The following ZMYND8 variants were observed in gnomAD, a reference collection of about 807,000 sequenced individuals.
ZMYND8 encodes MYND-type zinc finger-containing chromatin reader ZMYND8.
Under a neutral mutation model 140.8 loss-of-function variants are expected in ZMYND8, and 37 were observed. That is an observed-to-expected ratio of 0.26 (90% CI 0.20 to 0.35). The LOEUF is 0.35. Ranked by LOEUF, ZMYND8 falls within the 10% of genes least tolerant of loss-of-function variation. ZMYND8 has a pLI of 1.00. For missense variants in ZMYND8, 1,068 were observed against 1,570.0 expected (o/e 0.68, Z 5.40); for synonymous variants, 592 against 597.1 (o/e 0.99, Z 0.12).
In ZMYND8 at chr20:47,276,808, A is replaced by G; in HGVS notation, c.999-13T>C. On this transcript the variant is annotated splice_polypyrimidine_tract_variant and intron_variant, in intron 10 of 22. Coordinates refer to ENST00000471951, the MANE Select transcript of ZMYND8 (RefSeq NM_001281775.3). ...TGGAACCCAGGCCCTAGAAGGGCAA[A>G]AGATAAAGAGAGTTTAAGTCAACTT... 1.3e-6 allele frequency: 2 copies of G among 1,584,796 alleles called. No homozygotes were observed. The highest frequency in any genetic ancestry group is 1.1e-5 in the South Asian group (1 of 87,544).
chr20:47,275,101 T>C (rs2076179000), intron 11 of ZMYND8, among the ~76,000 whole-genome samples: 2 of 152,196 alleles, frequency 1.3e-5, no homozygotes, highest in Admixed American at 1.3e-4. Context: ...GCTTTATTCA[T>C]TCTAGAAAAT....
intron 17 of ZMYND8, among the ~76,000 whole-genome samples, chr20:47,228,616 T>A (rs1421238595): frequency 6.6e-6 from 1 of 152,260 alleles, no homozygotes; most frequent in Non-Finnish European, 1.5e-5. Flanking sequence ...TGCAAAACTA[T>A]TCAAGGGGAT....
At chr20:47,242,266 G>C (rs547137861) in intron 14 of ZMYND8, among the ~76,000 whole-genome samples, 2 of 152,296 alleles carry the variant, frequency 1.3e-5, no homozygotes, top group East Asian at 3.9e-4. Flanking sequence ...GGGCGTTCTC[G>C]ATGGTTATCG....
rs1601675803 is a variant in ZMYND8 at position 47,294,728 on chromosome 20, G to A, written c.505C>T (p.Leu169Phe). 1.2e-6 allele frequency: 2 copies of A among 1,614,200 alleles called. No individual in the cohort carries two copies. Among genetic ancestry groups the A allele is most frequent in the Non-Finnish European group, 8.5e-7 (1 of 1,180,036 alleles). Reference protein sequence around the residue: ...IETQSKAMTMLTIEQLSYLLK... With the variant: ...IETQSKAMTMFTIEQLSYLLK... ...AGGTAGGATAACTGTTCAATGGTGAGCATTGTCATGGCTTTACTCTGGGTC... is the reference window on the plus strand; with the variant it reads ...AGGTAGGATAACTGTTCAATGGTGAACATTGTCATGGCTTTACTCTGGGTC... Residue 169 changes from leucine to phenylalanine, a missense_variant, in exon 5 of 23, where the codon CTC becomes TTC. By Grantham distance (22) the Leu-to-Phe change is conservative. Coordinates refer to ENST00000471951, the MANE Select transcript of ZMYND8 (RefSeq NM_001281775.3).
rs1270213163 is a variant in ZMYND8, at chr20:47,276,474, T to C, written c.1320A>G (p.Thr440=). Residue 440 remains threonine, a synonymous_variant, in exon 11 of 23, where the codon ACA becomes ACG. Transcript: ENST00000471951. ...TATCCGACAAGGAAATCCGGCGGCC[T>C]GTGCCCCCACTCAGCACAGGCTTGC... ...LMSKPVLSGG[T]GRRISLSDMP... The C allele has an allele frequency of 3.1e-6, 5 of 1,613,938 alleles. No homozygotes were observed. The highest frequency in any genetic ancestry group is 4.5e-5 in the East Asian group (2 of 44,852).
intron 8 of ZMYND8, among the ~76,000 whole-genome samples, chr20:47,285,351 G>A (rs1178222944): frequency 2.0e-5 from 3 of 152,200 alleles, no homozygotes; most frequent in African/African-American, 7.2e-5. Flanking sequence ...GTAAGTAAGC[G>A]AATGAATGTG....
chr20:47,239,283 G>C (rs1254667357), intron 14 of ZMYND8, 145 bp from the exon 15 acceptor site: 3 of 1,120,330 alleles, frequency 2.7e-6, no homozygotes, highest in Admixed American at 3.2e-5. Context: ...CACCGCGCTG[G>C]AGGAGTACAT....
chr20:47,240,901 G>C (rs1434687560), intron 14 of ZMYND8, among the ~76,000 whole-genome samples: 2 of 152,064 alleles, frequency 1.3e-5, no homozygotes, highest in Admixed American at 6.6e-5. Flanking sequence ...ATATCACCCC[G>C]GCTGGGCTCA....
intron 2 of ZMYND8, among the ~76,000 whole-genome samples, chr20:47,322,501 C>T (rs1159712142): frequency 6.9e-6 from 1 of 144,680 alleles, no homozygotes; most frequent in East Asian, 2.0e-4. Context: ...AGTGCAGTGG[C>T]GCGATCTTGG....
At chr20:47,299,101 T>C (rs2077830089) in intron 3 of ZMYND8, among the ~76,000 whole-genome samples, 154 bp from the exon 4 acceptor site, 1 of 152,242 alleles carries the variant, frequency 6.6e-6, no homozygotes, top group Non-Finnish European at 1.5e-5. Flanking sequence ...CTACTAAATA[T>C]ATAATTAGCA....
intron 3 of ZMYND8, among the ~76,000 whole-genome samples, chr20:47,308,015 G>A (rs1020686999): frequency 6.6e-6 from 1 of 151,390 alleles, no homozygotes; most frequent in African/African-American, 2.4e-5. Flanking sequence ...CTACTCGGGA[G>A]GCTGAGGCAG....
chr20:47,212,084 T>C (rs1040578), intron 22 of ZMYND8, among the ~76,000 whole-genome samples: 5,368 of 152,334 alleles, frequency 0.035, 303 homozygotes, highest in African/African-American at 0.12. Flanking sequence ...TTAGCCGCCA[T>C]GCCTATGCTT....
At chr20:47,234,948 T>A (rs1293364005) in intron 16 of ZMYND8, among the ~76,000 whole-genome samples, 1 of 152,138 alleles carries the variant, frequency 6.6e-6, no homozygotes, top group Non-Finnish European at 1.5e-5. Flanking sequence ...GAGACCAGCC[T>A]GGGCAACAAA....
intron 7 of ZMYND8, 109 bp downstream of exon 7, chr20:47,290,078 A>T: frequency 9.6e-7 from 1 of 1,040,470 alleles, no homozygotes; most frequent in Non-Finnish European, 1.4e-6. Context: ...CACAATCTAT[A>T]CGCAAGTATT....
rs990530666 is a variant in ZMYND8, at chr20:47,282,083, G to A, written c.998+19C>T. 7 of 1,600,294 alleles carry A rather than the reference G, an allele frequency of 4.4e-6. No homozygotes were observed. In the South Asian group the frequency reaches 6.7e-5, roughly 15 times the overall value. On this transcript the variant is annotated intron_variant, in intron 10 of 22. Coordinates refer to ENST00000471951, the MANE Select transcript of ZMYND8 (RefSeq NM_001281775.3). ...GTTCAGTGAAAGCTACATGTTCCAAGCCTGTTATTAACTCCCACCTGTCAT... is the reference window on the plus strand; with the variant it reads ...GTTCAGTGAAAGCTACATGTTCCAAACCTGTTATTAACTCCCACCTGTCAT...
intron 11 of ZMYND8, among the ~76,000 whole-genome samples, chr20:47,268,927 G>A (rs1245882207): frequency 6.6e-6 from 1 of 152,138 alleles, no homozygotes; most frequent in Non-Finnish European, 1.5e-5. Context: ...AAGGCCGGAC[G>A]CAGTGGCTCA....
intron 19 of ZMYND8, among the ~76,000 whole-genome samples, chr20:47,222,461 G>A (rs775112423): frequency 2.6e-5 from 4 of 152,230 alleles, no homozygotes; most frequent in Non-Finnish European, 5.9e-5. Context: ...GCATGAGCCC[G>A]GGAGGCGGAG....
At chr20:47,337,147 T>A (rs984766494) in intron 2 of ZMYND8, among the ~76,000 whole-genome samples, 14 of 151,722 alleles carry the variant, frequency 9.2e-5, no homozygotes, top group African/African-American at 3.4e-4. Flanking sequence ...AGGTCAGGAA[T>A]TCGAGACCAG....
intron 3 of ZMYND8, among the ~76,000 whole-genome samples, chr20:47,302,765 C>A (rs2078161133): frequency 6.6e-6 from 1 of 152,238 alleles, no homozygotes; most frequent in South Asian, 2.1e-4. Flanking sequence ...TTAGAGACCC[C>A]CTCAGAGAAC....
Sources: allele counts gnomAD v4.1 joint callset (sites outside exome capture counted in the v4.1 genomes callset), GRCh38; gene constraint gnomAD v4.1.1; transcripts MANE v1.5; gene names NCBI Gene and HGNC (gene_info 2026-07-23, HGNC 2026-07-21).